NRXN3: variants seen among roughly 807,000 people sequenced by gnomAD.
NRXN3 encodes the protein neurexin III.
In NRXN3, 32 loss-of-function variants were observed where a neutral mutation model predicts 137.6. That is an observed-to-expected ratio of 0.23 (90% CI 0.18 to 0.31). The LOEUF (loss-of-function observed/expected upper bound fraction) is 0.31. Ranked by LOEUF, NRXN3 falls within the 10% of genes least tolerant of loss-of-function variation. The probability of loss-of-function intolerance (pLI) is 1.00; values close to 1 mark genes in which losing one functional copy is unlikely to be tolerated. For synonymous variants in NRXN3, 798 were observed against 784.5 expected (o/e 1.02, Z -0.29); for missense variants, 1,574 against 2,062.5 (o/e 0.76, Z 4.59).
intron 20 of NRXN3, among the ~76,000 whole-genome samples, chr14:79,808,851 G>A (rs1010554453): frequency 1.3e-5 from 2 of 152,092 alleles, no homozygotes; most frequent in Non-Finnish European, 2.9e-5. Flanking sequence ...TTTTGAGTTA[G>A]TTATAAGCAA....
At chr14:79,736,526 T>C (rs1003723290) in intron 19 of NRXN3, among the ~76,000 whole-genome samples, 3 of 152,176 alleles carry the variant, frequency 2.0e-5, no homozygotes, top group Non-Finnish European at 4.4e-5. Flanking sequence ...TATCATGTTA[T>C]GTGTAGATGT....
intron 16 of NRXN3, among the ~76,000 whole-genome samples, chr14:79,604,491 T>C (rs1157194710): frequency 6.6e-6 from 1 of 151,246 alleles, no homozygotes; most frequent in Non-Finnish European, 1.5e-5. Flanking sequence ...CGCCTTGGCC[T>C]CCAAAAGCGG....
intron 15 of NRXN3, among the ~76,000 whole-genome samples, chr14:79,056,915 A>C: frequency 6.6e-6 from 1 of 152,216 alleles, no homozygotes; most frequent in Admixed American, 6.5e-5. Flanking sequence ...TTTCTAAATA[A>C]AAACAAAACA....
At chr14:79,580,295 G>A (rs1567563411) in intron 16 of NRXN3, among the ~76,000 whole-genome samples, 1 of 151,990 alleles carries the variant, frequency 6.6e-6, no homozygotes, top group Non-Finnish European at 1.5e-5. Context: ...CTTTTCCTTT[G>A]GATAAAAATT....
chr14:79,737,292 A>G, intron 19 of NRXN3, among the ~76,000 whole-genome samples: 1 of 152,228 alleles, frequency 6.6e-6, no homozygotes, highest in East Asian at 1.9e-4. Flanking sequence ...GCAGTTAACC[A>G]ACAATAACTT....
intron 4 of NRXN3, among the ~76,000 whole-genome samples, chr14:78,566,195 G>T (rs567017332): frequency 1.8e-4 from 27 of 151,994 alleles, no homozygotes; most frequent in Admixed American, 1.2e-3. Flanking sequence ...AAAAACAGGT[G>T]CCCCCGATGA....
intron 16 of NRXN3, among the ~76,000 whole-genome samples, chr14:79,585,055 G>A (rs1017641957): frequency 7.2e-5 from 11 of 152,180 alleles, no homozygotes; most frequent in Admixed American, 4.6e-4. Flanking sequence ...CTAGAGGGCA[G>A]GCATAGCCCT....
chr14:79,717,576 C>A (rs1366127924), intron 19 of NRXN3, among the ~76,000 whole-genome samples: 1 of 152,172 alleles, frequency 6.6e-6, no homozygotes, highest in Non-Finnish European at 1.5e-5. Context: ...CAGTTTAATT[C>A]TGAATATATG....
intron 4 of NRXN3, chr14:78,614,919 G>A (rs2097332480): frequency 4.4e-6 from 2 of 456,436 alleles, no homozygotes; most frequent in Admixed American, 2.3e-5. Flanking sequence ...GGACCTCAAA[G>A]CATGACTAAG....
At chr14:79,269,963 A>AGATTTTAAT (rs1174330049) in intron 15 of NRXN3, among the ~76,000 whole-genome samples, 6 of 152,242 alleles carry the variant, frequency 3.9e-5, no homozygotes, top group Non-Finnish European at 7.3e-5. Flanking sequence ...TCAATGAATG[A>AGATTTTAAT]GATTTTAATA....
At position 79,652,194 on chromosome 14, in the gene NRXN3, C is replaced by T. The variant is rs368246528; in HGVS notation, c.3445-11584C>T. ...ACACAAACACACACAATCACACACA[C>T]ATTTACATGGCAACATATCTACAAA... is the stretch of plus-strand genomic sequence containing the variant. On this transcript the variant is annotated intron_variant, in intron 16 of 20. Coordinates refer to ENST00000335750, the MANE Select transcript of NRXN3 (RefSeq NM_001330195.2). Among the ~76,000 whole-genome samples the T allele has an allele frequency of 3.3e-4, 51 of 152,286 alleles. 1 individual carries two copies. In the East Asian group the frequency reaches 7.2e-3, roughly 21 times the overall value.
chr14:79,510,782 CT>C (rs2096925422), intron 16 of NRXN3, among the ~76,000 whole-genome samples: 1 of 152,140 alleles, frequency 6.6e-6, no homozygotes, highest in South Asian at 2.1e-4. Context: ...TCACTGAAGC[CT>C]TTTGAGAAAT....
chr14:78,946,788 C>G (rs1185802092), intron 10 of NRXN3, among the ~76,000 whole-genome samples: 1 of 152,114 alleles, frequency 6.6e-6, no homozygotes, highest in African/African-American at 2.4e-5. Context: ...GTCGGTTTTG[C>G]ATGCGTCATA....
At chr14:78,272,316 T>C (rs573613605) in intron 2 of NRXN3, among the ~76,000 whole-genome samples, 2 of 152,192 alleles carry the variant, frequency 1.3e-5, no homozygotes, top group South Asian at 4.2e-4. Flanking sequence ...GACACTAGAG[T>C]GCACATACCA....
intron 20 of NRXN3, among the ~76,000 whole-genome samples, chr14:79,808,180 G>C (rs527990437): frequency 4.0e-5 from 6 of 150,212 alleles, no homozygotes; most frequent in African/African-American, 1.2e-4. Context: ...GAGGTTGCAG[G>C]GAGCCAAGAT....
chr14:79,492,175 C>CA (rs36107426), intron 16 of NRXN3, among the ~76,000 whole-genome samples: 5 of 151,702 alleles, frequency 3.3e-5, no homozygotes, highest in African/African-American at 9.7e-5. Context: ...ATATAAACTC[C>CA]AAAAAAATTA....
intron 15 of NRXN3, among the ~76,000 whole-genome samples, chr14:79,093,584 C>A (rs955576744): frequency 6.6e-6 from 1 of 152,170 alleles, no homozygotes; most frequent in Non-Finnish European, 1.5e-5. Context: ...TTTCAAAAGT[C>A]ATTTCTTGCT....
intron 4 of NRXN3, among the ~76,000 whole-genome samples, chr14:78,571,559 G>A (rs2096889560): frequency 6.6e-6 from 1 of 152,176 alleles, no homozygotes; most frequent in Non-Finnish European, 1.5e-5. Flanking sequence ...TCCATTTCAA[G>A]TCTGTTCAAC....
chr14:79,406,361 G>C (rs964046852), intron 15 of NRXN3, among the ~76,000 whole-genome samples: 1 of 150,904 alleles, frequency 6.6e-6, no homozygotes, highest in African/African-American at 2.4e-5. Flanking sequence ...CTGCAGTACA[G>C]TGATTCAATC....
Sources: gnomAD v4.1 joint callset for allele counts (sites outside exome capture counted in the v4.1 genomes callset) on GRCh38, gnomAD v4.1.1 for gene constraint, MANE v1.5 for transcripts, NCBI Gene and HGNC (gene_info 2026-07-23, HGNC 2026-07-21) for gene names.